JARID2: variants seen among roughly 807,000 people sequenced by gnomAD.
JARID2 encodes the protein protein Jumonji.
Under a neutral mutation model 125.6 loss-of-function variants are expected in JARID2, and 21 were observed. That is an observed-to-expected ratio of 0.17 (90% CI 0.12 to 0.24). The LOEUF is 0.24. Among genes scored for constraint, JARID2 ranks in the 10% least tolerant of loss-of-function variants. JARID2 has a pLI of 1.00. For synonymous variants in JARID2, 736 were observed against 661.6 expected (o/e 1.11, Z -1.73); for missense variants, 1,303 against 1,639.6 (o/e 0.79, Z 3.55).
At chr6:15,247,904 AG>A in intron 1 of JARID2, 1 of 985,472 alleles carries the variant, frequency 1.0e-6, no homozygotes, top group Non-Finnish European at 1.2e-6. Flanking sequence ...CTCGGGCTGT[AG>A]AAACTGCACT....
chr6:15,331,338 A>AAAAAAC, intron 1 of JARID2, among the ~76,000 whole-genome samples: 1 of 150,282 alleles, frequency 6.7e-6, no homozygotes, highest in Non-Finnish European at 1.5e-5. Context: ...CCTGCCTCAA[A>AAAAAAC]AAAAACAAAA....
chr6:15,414,339 G>GT, intron 3 of JARID2, among the ~76,000 whole-genome samples: 1 of 152,090 alleles, frequency 6.6e-6, no homozygotes. Flanking sequence ...CTTAAGTGTT[G>GT]TTTTTCTGCA....
intron 1 of JARID2, among the ~76,000 whole-genome samples, chr6:15,318,543 C>A (rs1238951556): frequency 1.3e-5 from 2 of 152,212 alleles, no homozygotes; most frequent in Non-Finnish European, 2.9e-5. Context: ...AGCCCCACAA[C>A]TGTGCAGTTG....
At chr6:15,277,411 A>G (rs1157488814) in intron 1 of JARID2, among the ~76,000 whole-genome samples, 1 of 152,182 alleles carries the variant, frequency 6.6e-6, no homozygotes, top group Non-Finnish European at 1.5e-5. Context: ...GGCATGAGCC[A>G]CCGTGCTCTT....
intron 1 of JARID2, among the ~76,000 whole-genome samples, chr6:15,270,125 C>T (rs979975841): frequency 6.6e-6 from 1 of 152,092 alleles, no homozygotes; most frequent in Non-Finnish European, 1.5e-5. Context: ...TCAGTCCGTC[C>T]ATCTGTCCGT....
At chr6:15,363,044 T>G (rs1036569973) in intron 1 of JARID2, among the ~76,000 whole-genome samples, 8 of 152,038 alleles carry the variant, frequency 5.3e-5, no homozygotes, top group African/African-American at 1.9e-4. Context: ...AGATTATGAT[T>G]GGAGATAAGG....
chr6:15,480,525 G>A (rs149522428), intron 5 of JARID2, among the ~76,000 whole-genome samples: 6 of 152,164 alleles, frequency 3.9e-5, no homozygotes, highest in East Asian at 3.9e-4. Flanking sequence ...AGATAGGGGC[G>A]TCTGGTTCTG....
intron 1 of JARID2, among the ~76,000 whole-genome samples, chr6:15,356,322 T>G (rs1390623954): frequency 1.3e-5 from 2 of 152,228 alleles, no homozygotes; most frequent in African/African-American, 4.8e-5. Context: ...AATTCTATGT[T>G]TAACTTTTTG....
intron 3 of JARID2, among the ~76,000 whole-genome samples, chr6:15,437,735 C>T (rs767717970): frequency 1.3e-5 from 2 of 151,576 alleles, no homozygotes; most frequent in East Asian, 1.9e-4. Flanking sequence ...ACCCGGGAGG[C>T]GGAGGTTGCA....
intron 3 of JARID2, among the ~76,000 whole-genome samples, chr6:15,435,947 GT>G (rs1449860586): frequency 6.6e-6 from 1 of 151,926 alleles, no homozygotes; most frequent in Non-Finnish European, 1.5e-5. Flanking sequence ...AGGTTTTCTT[GT>G]CCCCCTCTCA....
At chr6:15,299,105 A>G (rs1761514430) in intron 1 of JARID2, among the ~76,000 whole-genome samples, 1 of 152,122 alleles carries the variant, frequency 6.6e-6, no homozygotes, top group Non-Finnish European at 1.5e-5. Flanking sequence ...TGAAGGAAAG[A>G]AACCTGGCTA....
chr6:15,409,929 G>C (rs1416278061), intron 2 of JARID2, among the ~76,000 whole-genome samples: 3 of 152,188 alleles, frequency 2.0e-5, no homozygotes, highest in Non-Finnish European at 4.4e-5. Flanking sequence ...AGCTGCAAAA[G>C]ATGTTTATGT....
intron 1 of JARID2, among the ~76,000 whole-genome samples, chr6:15,326,216 A>G (rs569259356): frequency 3.8e-4 from 58 of 152,258 alleles, no homozygotes; most frequent in Non-Finnish European, 7.2e-4. Flanking sequence ...CAAATCTCAG[A>G]CATTTTTTTG....
chr6:15,384,859 C>T (rs1434377597), intron 2 of JARID2, among the ~76,000 whole-genome samples: 1 of 152,166 alleles, frequency 6.6e-6, no homozygotes, highest in Non-Finnish European at 1.5e-5. Context: ...AGGTGTGAGC[C>T]ACTTCACTAG....
At chr6:15,407,459 C>T (rs1008352099) in intron 2 of JARID2, among the ~76,000 whole-genome samples, 10 of 151,300 alleles carry the variant, frequency 6.6e-5, no homozygotes, top group Admixed American at 4.6e-4. Flanking sequence ...AAAAGCTTAA[C>T]TTTCTTACTT....
chr6:15,321,709 TTTGAAGA>T (rs1169508174), intron 1 of JARID2, among the ~76,000 whole-genome samples: 3 of 152,070 alleles, frequency 2.0e-5, no homozygotes, highest in Non-Finnish European at 2.9e-5. Flanking sequence ...AAATGCTTTC[TTTGAAGA>T]TATGAGACTT....
intron 1 of JARID2, among the ~76,000 whole-genome samples, chr6:15,358,230 A>G (rs1480551745): frequency 2.6e-5 from 4 of 152,238 alleles, no homozygotes; most frequent in Non-Finnish European, 4.4e-5. Context: ...ATTTCTGCTT[A>G]TAAGCGTTTC....
At chr6:15,328,474 A>G (rs1043018534) in intron 1 of JARID2, among the ~76,000 whole-genome samples, 1 of 152,238 alleles carries the variant, frequency 6.6e-6, no homozygotes, top group African/African-American at 2.4e-5. Flanking sequence ...AAGGTAATAG[A>G]AAAACTTATT....
chr6:15,412,472 C>CT (rs1199022036), intron 3 of JARID2, among the ~76,000 whole-genome samples: 2 of 152,046 alleles, frequency 1.3e-5, no homozygotes, highest in African/African-American at 4.8e-5. Context: ...CCATACCTGG[C>CT]TAATTCTTGT....
Sources: gnomAD v4.1 joint callset for allele counts (sites outside exome capture counted in the v4.1 genomes callset) on GRCh38, gnomAD v4.1.1 for gene constraint, MANE v1.5 for transcripts, NCBI Gene and HGNC (gene_info 2026-07-23, HGNC 2026-07-21) for gene names.